The following DMGDH variants were observed in gnomAD, a reference collection of about 807,000 sequenced individuals.
The protein encoded by DMGDH is dimethylglycine dehydrogenase, also known as dimethylglycine dehydrogenase, mitochondrial.
DMGDH carries 76 observed loss-of-function variants against 95.2 expected under a neutral mutation model. The observed-to-expected ratio is 0.80, with a 90% CI of 0.66 to 0.97. The LOEUF (loss-of-function observed/expected upper bound fraction) is 0.97, where lower values mean the gene tolerates loss of function less well. DMGDH is among the 50% of genes least tolerant of loss of function. DMGDH has a pLI of 0.00. For synonymous variants in DMGDH, 345 were observed against 377.6 expected (o/e 0.91, Z 1.00); for missense variants, 987 against 1,055.0 (o/e 0.94, Z 0.89).
rs148401618 is a variant in DMGDH at position 79,009,296 on chromosome 5, AC to A, written c.2251-3890del. Among the ~76,000 whole-genome samples the A allele has an allele frequency of 7.0e-3, 1,051 of 149,118 alleles. 11 individuals are homozygous for A. The highest frequency in any genetic ancestry group is 0.025 in the African/African-American group (1,013 of 41,098). On this transcript the variant is annotated intron_variant, in intron 14 of 15. Transcript: ENST00000255189. The stretch of plus-strand genomic sequence containing the variant: ...TGAAATAAAACATATTCTAACAAAA[AC>A]AACAGCAAAAATCTTATTGAAAGTA...
Position 79,005,545 on chromosome 5 carries a change from C to T in DMGDH, c.2251-138G>A, listed in dbSNP as rs1050802933. The T allele has an allele frequency of 1.8e-5, 22 of 1,213,218 alleles. No homozygotes were observed. The Admixed American group carries it at 2.0e-4, about 11-fold the overall frequency. 75.2% of individuals were successfully genotyped at this position (1,213,218 alleles called of 1,614,324 possible). On this transcript the variant is annotated intron_variant, in intron 14 of 15. Coordinates refer to ENST00000255189, the MANE Select transcript of DMGDH (RefSeq NM_013391.3). ...TAAAAATACAGATCGGATCATATGT[C>T]TAGACAAATATTTCTTAGTCCTCAA... is the stretch of plus-strand genomic sequence containing the variant.
intron 1 of DMGDH, 81 bp downstream of exon 1, chr5:79,069,439 A>C: frequency 1.4e-5 from 11 of 814,524 alleles, no homozygotes; most frequent in Non-Finnish European, 1.8e-5. Flanking sequence ...GAGCGCTCCT[A>C]ACCCCTGAGC....
chr5:79,007,906 T>A (rs575146860), intron 14 of DMGDH, among the ~76,000 whole-genome samples: 1 of 152,300 alleles, frequency 6.6e-6, no homozygotes, highest in South Asian at 2.1e-4. Flanking sequence ...TTGGGCCCAG[T>A]CCTGAAATTA....
At chr5:79,017,093 G>A (rs564896526) in intron 14 of DMGDH, among the ~76,000 whole-genome samples, 1 of 152,096 alleles carries the variant, frequency 6.6e-6, no homozygotes, top group African/African-American at 2.4e-5. Context: ...AAAACTTCTA[G>A]AAGAAAACAT....
chr5:79,032,696 G>C lies in DMGDH; in HGVS notation c.1508C>G (p.Thr503Ser). 1.2e-6 allele frequency: 2 copies of C among 1,614,144 alleles called. No individual in the cohort carries two copies. Among genetic ancestry groups the C allele is most frequent in the South Asian group, 1.1e-5 (1 of 91,086 alleles). ...AAAGTCCTTCTCCCACCTGTACTGA[G>C]TGTCCTGGCCTGGTTTGTAGAACCA... ...PHWFYKPGQD[T>S]QYRPSFRRTN... Residue 503 changes from threonine to serine, a missense_variant, in exon 9 of 16, where the codon ACT becomes AGT. Transcript: ENST00000255189.
At chr5:79,038,437 T>A (rs1486384294) in intron 7 of DMGDH, among the ~76,000 whole-genome samples, 2 of 152,244 alleles carry the variant, frequency 1.3e-5, no homozygotes, top group East Asian at 3.9e-4. Context: ...TCAGACAAGA[T>A]CGTGCCATTC....
chr5:79,032,658 A>G lies in DMGDH; in HGVS notation c.1517+29T>C, dbSNP rs780342444. The G allele has an allele frequency of 1.9e-6, 3 of 1,613,948 alleles. No homozygotes were observed. In the African/African-American group the frequency reaches 4.0e-5, roughly 22 times the overall value. On this transcript the variant is annotated intron_variant, in intron 9 of 15. Coordinates refer to ENST00000255189, the MANE Select transcript of DMGDH (RefSeq NM_013391.3). ...CCCGTTGTTTCACCCCTCGGTCAGA[A>G]CCACAGGCAGGTAAAGTCCTTCTCC...
At chr5:79,048,449 G>A (rs1754743171) in intron 5 of DMGDH, among the ~76,000 whole-genome samples, 1 of 152,106 alleles carries the variant, frequency 6.6e-6, no homozygotes, top group Admixed American at 6.6e-5. Flanking sequence ...GTATTTCCAA[G>A]TCCATATCCT....
intron 15 of DMGDH, 23 bp downstream of exon 15, chr5:79,005,250 G>T (rs1283611148): frequency 6.2e-7 from 1 of 1,612,924 alleles, no homozygotes; most frequent in East Asian, 2.2e-5. Context: ...ACAGCCCCTG[G>T]CAGTGAGGTC....
intron 10 of DMGDH, 86 bp from the exon 11 acceptor site, chr5:79,030,120 G>T: frequency 8.5e-7 from 1 of 1,181,376 alleles, no homozygotes; most frequent in Non-Finnish European, 1.2e-6. Flanking sequence ...CAATGTGGGT[G>T]TTAAGAATGA....
At chr5:79,022,555 C>A (rs573006212) in intron 14 of DMGDH, among the ~76,000 whole-genome samples, 94 of 152,256 alleles carry the variant, frequency 6.2e-4, no homozygotes, top group African/African-American at 2.2e-3. Flanking sequence ...CCTATAAAAT[C>A]ATTAGGAATT....
chr5:79,029,161 GT>G (rs768079517), intron 11 of DMGDH, among the ~76,000 whole-genome samples: 1 of 152,092 alleles, frequency 6.6e-6, no homozygotes, highest in Non-Finnish European at 1.5e-5. Context: ...TATAGGGCTG[GT>G]TTCTAATTTA....
At chr5:79,006,540 G>A (rs1180739477) in intron 14 of DMGDH, among the ~76,000 whole-genome samples, 1 of 152,182 alleles carries the variant, frequency 6.6e-6, no homozygotes, top group Non-Finnish European at 1.5e-5. Flanking sequence ...AAGGAAATTT[G>A]TGATATATAA....
chr5:79,049,752 A>G (rs1754781856), intron 5 of DMGDH, among the ~76,000 whole-genome samples: 1 of 152,224 alleles, frequency 6.6e-6, no homozygotes, highest in Non-Finnish European at 1.5e-5. Flanking sequence ...CTTAAAAACA[A>G]TGCAACATTG....
intron 4 of DMGDH, among the ~76,000 whole-genome samples, chr5:79,052,997 T>A (rs920711202): frequency 1.3e-5 from 2 of 152,306 alleles, no homozygotes; most frequent in Middle Eastern, 6.8e-3. Context: ...GGGCAAGATG[T>A]ATAATGCAAG....
At chr5:79,056,325 A>C (rs1755030544) in intron 2 of DMGDH, among the ~76,000 whole-genome samples, 1 of 152,182 alleles carries the variant, frequency 6.6e-6, no homozygotes. Context: ...AGCCTGGCCA[A>C]CATGGTGAAA....
chr5:79,062,740 C>T (rs1047959389), intron 2 of DMGDH, among the ~76,000 whole-genome samples: 34 of 152,152 alleles, frequency 2.2e-4, no homozygotes, highest in African/African-American at 7.5e-4. Context: ...CTGTGCTACA[C>T]TTTTGCAGTC....
At chr5:79,059,256 A>T (rs73769927) in intron 2 of DMGDH, among the ~76,000 whole-genome samples, 24 of 152,360 alleles carry the variant, frequency 1.6e-4, no homozygotes, top group African/African-American at 5.3e-4. Flanking sequence ...AACGTTTGTA[A>T]TACAGCGATG....
At chr5:79,052,391 A>G (rs977726215) in intron 4 of DMGDH, among the ~76,000 whole-genome samples, 7 of 152,220 alleles carry the variant, frequency 4.6e-5, no homozygotes, top group Admixed American at 3.9e-4. Context: ...AGTCTTCTCT[A>G]CATATCTGGT....
Sources: gnomAD v4.1 joint callset for allele counts (sites outside exome capture counted in the v4.1 genomes callset) on GRCh38, gnomAD v4.1.1 for gene constraint, MANE v1.5 for transcripts, NCBI Gene and HGNC (gene_info 2026-07-23, HGNC 2026-07-21) for gene names.